ISY1: variants seen among roughly 807,000 people sequenced by gnomAD.
ISY1 encodes ISY1 spliceosome associated protein, also known as pre-mRNA-splicing factor ISY1 homolog.
In ISY1, 12 loss-of-function variants were observed where a neutral mutation model predicts 54.4. That is an observed-to-expected ratio of 0.22 (90% CI 0.14 to 0.36). The LOEUF (loss-of-function observed/expected upper bound fraction) is 0.36, where lower values mean the gene tolerates loss of function less well. Ranked by LOEUF, ISY1 falls within the 10% of genes least tolerant of loss-of-function variation. The probability of loss-of-function intolerance (pLI) is 1.00; values close to 1 mark genes in which losing one functional copy is unlikely to be tolerated. For missense variants in ISY1, 282 were observed against 342.2 expected (o/e 0.82, Z 1.39); for synonymous variants, 96 against 117.9 (o/e 0.81, Z 1.20).
At chr3:129,149,607 AAAAATATATATATAT>A (rs1266791803) in intron 5 of ISY1, among the ~76,000 whole-genome samples, 1 of 82,536 alleles carries the variant, frequency 1.2e-5, no homozygotes, top group Non-Finnish European at 2.2e-5. Context: ...AAAAAAAAAA[AAAAATATATATATAT>A]ATATATATAT....
chr3:129,154,921 C>T (rs960069058), intron 5 of ISY1, among the ~76,000 whole-genome samples: 4 of 151,966 alleles, frequency 2.6e-5, no homozygotes, highest in Non-Finnish European at 5.9e-5. Context: ...ATCTCCTGAC[C>T]TCGTCATCCG....
chr3:129,144,294 A>C (rs993793827), intron 6 of ISY1: 7 of 291,216 alleles, frequency 2.4e-5, no homozygotes, highest in Non-Finnish European at 4.2e-5. Context: ...ACCCAAGAGA[A>C]GTCTCCTAGT....
intron 7 of ISY1, 89 bp downstream of exon 7, chr3:129,140,279 G>GA (rs1237772018): frequency 1.4e-5 from 17 of 1,192,876 alleles, no homozygotes; most frequent in Admixed American, 2.4e-5. Context: ...ATGCAACTAA[G>GA]AAAAAAAAGT....
At chr3:129,135,488 G>A (rs967340879) in intron 7 of ISY1, among the ~76,000 whole-genome samples, 2 of 152,042 alleles carry the variant, frequency 1.3e-5, no homozygotes, top group Admixed American at 6.6e-5. Flanking sequence ...AAACCAGGCC[G>A]GGTGCGGTGA....
intron 3 of ISY1, among the ~76,000 whole-genome samples, chr3:129,157,716 C>CAAAAAAAAAA (rs1265760940): frequency 9.0e-5 from 4 of 44,514 alleles, no homozygotes; most frequent in African/African-American, 3.8e-4. Context: ...GCGTCCATCT[C>CAAAAAAAAAA]AAAAAAAAAA....
intron 5 of ISY1, among the ~76,000 whole-genome samples, chr3:129,153,627 C>T (rs1937041970): frequency 6.7e-6 from 1 of 149,506 alleles, no homozygotes; most frequent in Non-Finnish European, 1.5e-5. Flanking sequence ...ACTAAAAATA[C>T]AAAAAAAAAT....
chr3:129,132,661 T>G (rs1936269034), intron 9 of ISY1, among the ~76,000 whole-genome samples: 1 of 152,244 alleles, frequency 6.6e-6, no homozygotes, highest in Non-Finnish European at 1.5e-5. Flanking sequence ...TCTCTCTTAC[T>G]GGACTGCCTC....
chr3:129,133,075 C>T (rs1936280432), intron 9 of ISY1, among the ~76,000 whole-genome samples: 1 of 152,114 alleles, frequency 6.6e-6, no homozygotes, highest in Non-Finnish European at 1.5e-5. Context: ...AAATATAGGG[C>T]CCCGCAGAAG....
intron 4 of ISY1, 26 bp downstream of exon 4, chr3:129,156,829 T>C (rs1442526944): frequency 2.5e-6 from 4 of 1,607,826 alleles, no homozygotes; most frequent in African/African-American, 1.3e-5. Context: ...TTACTTCTAC[T>C]GAAATCAGAT....
intron 6 of ISY1, chr3:129,144,249 A>G: frequency 2.9e-6 from 1 of 348,908 alleles, no homozygotes; most frequent in Non-Finnish European, 5.7e-6. Context: ...GCAAAAATAA[A>G]ATAAATGAAA....
chr3:129,141,332 G>A (rs1378753811), intron 6 of ISY1, among the ~76,000 whole-genome samples: 1 of 152,096 alleles, frequency 6.6e-6, no homozygotes, highest in African/African-American at 2.4e-5. Context: ...TTCACGACCA[G>A]CATGGGCAAC....
In ISY1 at chr3:129,157,105, T is replaced by C. The variant is rs150038393; in HGVS notation, c.79-185A>G. Among the ~76,000 whole-genome samples the C allele has an allele frequency of 2.6e-3, 398 of 152,298 alleles. 16 individuals carry two copies. The East Asian group carries it at 0.067, about 26-fold the overall frequency. Reference sequence around the variant, plus strand: ...AATCTCTCCTTAGGAAAAACATTGATTGCATTGTATTTAATATTGGAAAGA... The same window carrying C: ...AATCTCTCCTTAGGAAAAACATTGACTGCATTGTATTTAATATTGGAAAGA... On this transcript the variant is annotated intron_variant, in intron 3 of 10. Transcript: ENST00000393295.
At chr3:129,149,701 G>A (rs1233816574) in intron 5 of ISY1, among the ~76,000 whole-genome samples, 1 of 136,850 alleles carries the variant, frequency 7.3e-6, no homozygotes, top group Non-Finnish European at 1.5e-5. Flanking sequence ...GGGAGGCTGA[G>A]GCAGGCGAAT....
At chr3:129,153,009 CTTTTTTTT>C (rs61374406) in intron 5 of ISY1, among the ~76,000 whole-genome samples, 41 of 111,744 alleles carry the variant, frequency 3.7e-4, no homozygotes. Context: ...TTCTTTCCAT[CTTTTTTTT>C]TTTTTTTTTT....
intron 5 of ISY1, among the ~76,000 whole-genome samples, chr3:129,154,135 G>A (rs763158129): frequency 4.6e-5 from 7 of 151,682 alleles, no homozygotes; most frequent in African/African-American, 7.3e-5. Context: ...CCAGCTACGC[G>A]GGAGGCTGAG....
In ISY1 at chr3:129,140,372, T is replaced by G. The variant is rs200793292; in HGVS notation, c.414A>C (p.Lys138Asn). The G allele has an allele frequency of 6.2e-7, 1 of 1,601,842 alleles. No individual in the cohort carries two copies. The highest frequency in any genetic ancestry group is 8.5e-7 in the Non-Finnish European group (1 of 1,176,970). ...AACTGTCACAAACTTACTTACGTTCTTTTTCAAACAGCTCTCTAACACCAG... is the reference window on the plus strand; with the variant it reads ...AACTGTCACAAACTTACTTACGTTCGTTTTCAAACAGCTCTCTAACACCAG... ...DLPGVRELFE[K>N]EPLPPPRKTR... is the part of the protein sequence containing the mutation. Residue 138 changes from lysine to asparagine, a missense_variant, in exon 7 of 11, where the codon AAA becomes AAC. By Grantham distance (94) the Lys-to-Asn change is moderately conservative (BLOSUM62 0). Transcript: ENST00000393295.
chr3:129,159,918 T>C (rs1937255296), intron 1 of ISY1, among the ~76,000 whole-genome samples: 1 of 152,242 alleles, frequency 6.6e-6, no homozygotes, highest in South Asian at 2.1e-4. Flanking sequence ...TAAATCTCTT[T>C]TGAGATTCTC....
At chr3:129,138,883 T>A (rs966248967) in intron 7 of ISY1, among the ~76,000 whole-genome samples, 18 of 151,976 alleles carry the variant, frequency 1.2e-4, no homozygotes, top group Non-Finnish European at 1.5e-5. Context: ...TTAACAATCA[T>A]CACATATGAG....
chr3:129,143,934 T>C (rs1936699733), intron 6 of ISY1: 1 of 168,022 alleles, frequency 6.0e-6, no homozygotes, highest in Admixed American at 6.1e-5. Context: ...AGTGGTAATA[T>C]ATTACTTTTA....
Sources: allele counts gnomAD v4.1 joint callset (sites outside exome capture counted in the v4.1 genomes callset), GRCh38; gene constraint gnomAD v4.1.1; transcripts MANE v1.5; gene names NCBI Gene and HGNC (gene_info 2026-07-23, HGNC 2026-07-21).